The following ABCF1 variants were observed in gnomAD, a reference collection of about 807,000 sequenced individuals.
The protein encoded by ABCF1 is ATP binding cassette subfamily F member 1.
In ABCF1, 73 loss-of-function variants were observed where a neutral mutation model predicts 126.3. That is an observed-to-expected ratio of 0.58 (90% CI 0.48 to 0.70). The LOEUF (loss-of-function observed/expected upper bound fraction) is 0.70, where lower values mean the gene tolerates loss of function less well. Ranked by LOEUF, ABCF1 falls within the 30% of genes least tolerant of loss-of-function variation. The pLI, the probability that ABCF1 is intolerant of heterozygous loss-of-function variation, is 0.00. For synonymous variants in ABCF1, 345 were observed against 396.4 expected (o/e 0.87, Z 1.54); for missense variants, 786 against 1,057.5 (o/e 0.74, Z 3.56).
At chr6:30,572,172 A>C (rs1173573447) in intron 1 of ABCF1, among the ~76,000 whole-genome samples, 1 of 152,128 alleles carries the variant, frequency 6.6e-6, no homozygotes, top group Admixed American at 6.5e-5. Flanking sequence ...ACATGAAGAT[A>C]TCCTCCCAGG....
rs767295177 is a variant in ABCF1, at chr6:30,586,122, C to G, written c.1714-12C>G. 6.2e-7 allele frequency: 1 copy of G among 1,607,972 alleles called. No individual in the cohort carries two copies. The highest frequency in any genetic ancestry group is 2.2e-5 in the East Asian group (1 of 44,852). On this transcript the variant is annotated splice_polypyrimidine_tract_variant and intron_variant, in intron 17 of 24. Transcript: ENST00000326195. The surrounding 1 kb of genome is among the most constrained non-coding windows in gnomAD (Gnocchi z 4.9). ...AGGGCTCAGGTTTCTCTTTTTTCCT[C>G]TTCCTCTCCAGGAAAAACAAACGAA...
In ABCF1 at chr6:30,574,371, C is replaced by T. The variant is rs1234135986; in HGVS notation, c.73+2811C>T. 6.6e-6 allele frequency among the ~76,000 whole-genome samples: 1 copy of T among 152,200 alleles called. No homozygotes were observed. The highest frequency in any genetic ancestry group is 1.5e-5 in the Non-Finnish European group (1 of 68,042). ...CAGGCTAATCTTGAACCTCTGGCCTCAACCAGTCCTCCCACCTTGGTCCCC... is the reference window on the plus strand; with the variant it reads ...CAGGCTAATCTTGAACCTCTGGCCTTAACCAGTCCTCCCACCTTGGTCCCC... On this transcript the variant is annotated intron_variant, in intron 1 of 24. Coordinates refer to ENST00000326195, the MANE Select transcript of ABCF1 (RefSeq NM_001025091.2). The surrounding 1 kb of genome is among the most constrained non-coding windows in gnomAD (Gnocchi z 4.3).
chr6:30,589,545 G>T (rs925522024), intron 20 of ABCF1, 143 bp from the exon 21 acceptor site: 8 of 908,556 alleles, frequency 8.8e-6, no homozygotes, highest in Non-Finnish European at 1.3e-5. Context: ...GGAGGTTGCA[G>T]TGAGCCGAGA....
chr6:30,582,303 G>C (rs1269866859), intron 8 of ABCF1, 91 bp from the exon 9 acceptor site: 2 of 732,806 alleles, frequency 2.7e-6, no homozygotes, highest in East Asian at 5.5e-5. Context: ...GGATCTGCCC[G>C]CTTTGGCTTC....
At position 30,582,465 on chromosome 6, in the gene ABCF1, T is replaced by C; in HGVS notation, c.750T>C (p.Tyr250=). 1 of 1,612,972 alleles carries C rather than the reference T, an allele frequency of 6.2e-7. No homozygotes were observed. Among genetic ancestry groups the C allele is most frequent in the South Asian group, 1.1e-5 (1 of 91,082 alleles). ...EGGESKADDP[Y]AHLSKKEKKK... The stretch of plus-strand genomic sequence containing the variant: ...GAGAGTCTAAGGCAGATGATCCCTA[T>C]GCTCATCTTAGCAAAAAGGAGAAGA... The change falls in exon 9 of 25, where the codon TAT becomes TAC. Residue 250 remains tyrosine, a synonymous_variant. Transcript: ENST00000326195.
intron 14 of ABCF1, 31 bp from the exon 15 acceptor site, chr6:30,585,229 C>G: frequency 1.3e-6 from 2 of 1,592,918 alleles, no homozygotes; most frequent in Non-Finnish European, 1.7e-6. Context: ...CTTTCTCTCC[C>G]TGACCCTGCC....
chr6:30,588,280 T>C (rs897216109), intron 20 of ABCF1, among the ~76,000 whole-genome samples: 3 of 152,220 alleles, frequency 2.0e-5, no homozygotes, highest in Non-Finnish European at 2.9e-5. Flanking sequence ...TTAACAAAAA[T>C]GGGCTGTCAT....
chr6:30,571,669 G>T (rs1164006026), intron 1 of ABCF1, 109 bp downstream of exon 1: 3 of 1,221,950 alleles, frequency 2.5e-6, no homozygotes, highest in Non-Finnish European at 3.5e-6. Context: ...CCCTGCGGGA[G>T]TTACTGCGCA....
chr6:30,585,383 CTT>C, intron 15 of ABCF1, 40 bp downstream of exon 15: 1 of 1,599,798 alleles, frequency 6.3e-7, no homozygotes, highest in Non-Finnish European at 8.6e-7. Context: ...CCATTCTGCA[CTT>C]TCTTCCCCTT....
Position 30,586,236 on chromosome 6 carries a change from A to G in ABCF1, c.1816A>G (p.Lys606Glu). ...QEAPELLKRP[K>E]EYTVRFTFPD... The stretch of plus-strand genomic sequence containing the variant: ...GGCCCCTGAGCTCCTGAAGCGCCCT[A>G]AGGAGTACACTGTGCGCTTCACTTT... The change falls in exon 18 of 25, where the codon AAG becomes GAG. Residue 606 changes from lysine to glutamate, a missense_variant. Transcript: ENST00000326195. This position sits in a 1 kb window ranked among gnomAD's most constrained non-coding sequence, Gnocchi z 4.9. 1 of 1,614,012 alleles carries G rather than the reference A, an allele frequency of 6.2e-7. No individual in the cohort carries two copies. Among genetic ancestry groups the G allele is most frequent in the Non-Finnish European group, 8.5e-7 (1 of 1,179,946 alleles).
chr6:30,577,481 G>A (rs757528020), intron 2 of ABCF1, 26 bp downstream of exon 2: 1 of 1,610,946 alleles, frequency 6.2e-7, no homozygotes, highest in Non-Finnish European at 8.5e-7. Flanking sequence ...TTGAGGATAA[G>A]AAATGACTAT....
chr6:30,571,962 T>TC (rs774036364), intron 1 of ABCF1, among the ~76,000 whole-genome samples: 232 of 152,134 alleles, frequency 1.5e-3, no homozygotes, highest in Non-Finnish European at 3.1e-3. Context: ...GAGCCTGTGA[T>TC]CCCCCTTGTT....
In ABCF1 at chr6:30,584,628, T is replaced by C; in HGVS notation, c.1391+62T>C. On this transcript the variant is annotated intron_variant, in intron 14 of 24. Coordinates refer to ENST00000326195, the MANE Select transcript of ABCF1 (RefSeq NM_001025091.2). The surrounding 1 kb of genome is among the most constrained non-coding windows in gnomAD (Gnocchi z 4.6). ...CAGACCACCGGGGCCCTTTTCCTCT[T>C]TCCCTTCTCATTCTTCCAAGGCCAA... 1 of 1,520,934 alleles carries C rather than the reference T, an allele frequency of 6.6e-7. No homozygotes were observed. Among genetic ancestry groups the C allele is most frequent in the Admixed American group, 2.0e-5 (1 of 49,112 alleles). The allele number at this position is 1,520,934 out of a possible 1,614,324, so 94.2% of individuals were successfully genotyped here.
At chr6:30,588,992 T>A (rs936788508) in intron 20 of ABCF1, among the ~76,000 whole-genome samples, 12 of 152,056 alleles carry the variant, frequency 7.9e-5, no homozygotes, top group African/African-American at 2.9e-4. Context: ...CTTTGTCATA[T>A]TAGGGGAACA....
chr6:30,584,197 G>T lies in ABCF1; in HGVS notation c.1108G>T (p.Val370Leu). ...IDVLLCEQEV[V>L]ADETPAVQAV... Reference sequence around the variant, plus strand: ...GTTCTCCCTCTGCCTCCCAGAGGTGGTAGCAGATGAGACACCAGCAGTCCA... The same window carrying T: ...GTTCTCCCTCTGCCTCCCAGAGGTGTTAGCAGATGAGACACCAGCAGTCCA... Residue 370 changes from valine to leucine, a missense_variant, in exon 13 of 25, where the codon GTA (valine) becomes TTA (leucine). This residue lies in a region of ABCF1 where 163 missense variants were observed against 255.3 expected (regional missense o/e 0.64). Transcript: ENST00000326195. This position sits in a 1 kb window ranked among gnomAD's most constrained non-coding sequence, Gnocchi z 4.6. The T allele has an allele frequency of 1.9e-6, 3 of 1,611,784 alleles. No individual in the cohort carries two copies. Among genetic ancestry groups the T allele is most frequent in the Non-Finnish European group, 2.5e-6 (3 of 1,179,566 alleles).
At chr6:30,573,538 C>T (rs1055189759) in intron 1 of ABCF1, among the ~76,000 whole-genome samples, 2 of 152,028 alleles carry the variant, frequency 1.3e-5, no homozygotes, top group African/African-American at 4.8e-5. Flanking sequence ...AAGGTGGGAA[C>T]CCTAAAGAAC....
In ABCF1 at chr6:30,586,682, C is replaced by T; in HGVS notation, c.2002C>T (p.Leu668Phe). ...TAATGGTGTGGGGAAGAGTACGCTACTCCTGCTGCTGACTGGCAAGCTGAC... is the reference window on the plus strand; with the variant it reads ...TAATGGTGTGGGGAAGAGTACGCTATTCCTGCTGCTGACTGGCAAGCTGAC... ...GPNGVGKSTL[L>F]LLLTGKLTPT... is the part of the protein sequence containing the mutation. The change falls in exon 20 of 25, where the codon CTC becomes TTC. Residue 668 changes from leucine (L) to phenylalanine (F), a missense_variant. Transcript: ENST00000326195. This position sits in a 1 kb window ranked among gnomAD's most constrained non-coding sequence, Gnocchi z 4.9. 6.2e-7 allele frequency: 1 copy of T among 1,613,844 alleles called. No homozygotes were observed. The highest frequency in any genetic ancestry group is 1.1e-5 in the South Asian group (1 of 91,078).
intron 20 of ABCF1, among the ~76,000 whole-genome samples, chr6:30,587,210 A>G (rs1190089545): frequency 6.6e-6 from 1 of 150,868 alleles, no homozygotes; most frequent in Non-Finnish European, 1.5e-5. Flanking sequence ...AGATTGCACC[A>G]TTGCACTCCA....
In ABCF1 at chr6:30,583,915, G is replaced by A. The variant is rs1305374526; in HGVS notation, c.1102+25G>A. Reference sequence around the variant, plus strand: ...GGTGAGACCACTGGGGAGAAAAGGGGCTTGGTGGGGTGGGCAGTTGGGTAG... The same window carrying A: ...GGTGAGACCACTGGGGAGAAAAGGGACTTGGTGGGGTGGGCAGTTGGGTAG... On this transcript the variant is annotated intron_variant, in intron 12 of 24. Coordinates refer to ENST00000326195, the MANE Select transcript of ABCF1 (RefSeq NM_001025091.2). The surrounding 1 kb of genome is among the most constrained non-coding windows in gnomAD (Gnocchi z 4.1). The A allele has an allele frequency of 6.2e-7, 1 of 1,610,802 alleles. No homozygotes were observed. Among genetic ancestry groups the A allele is most frequent in the Non-Finnish European group, 8.5e-7 (1 of 1,177,792 alleles).
Sources: gnomAD v4.1 joint callset for allele counts (sites outside exome capture counted in the v4.1 genomes callset) on GRCh38, gnomAD v4.1.1 for gene constraint, gnomAD v4.1.1 regional missense constraint, Gnocchi (gnomAD v3.1) non-coding constraint, MANE v1.5 for transcripts, NCBI Gene and HGNC (gene_info 2026-07-23, HGNC 2026-07-21) for gene names.